KIAA0825: variants seen among roughly 807,000 people sequenced by gnomAD.
KIAA0825 encodes uncharacterized protein KIAA0825.
Under a neutral mutation model 147.6 loss-of-function variants are expected in KIAA0825, and 119 were observed. The ratio of observed to expected loss-of-function variants is 0.81; its 90% CI spans 0.69 to 0.94. The LOEUF is 0.94. KIAA0825 is among the 40% of genes least tolerant of loss of function. The pLI, the probability that KIAA0825 is intolerant of heterozygous loss-of-function variation, is 0.00. For missense variants in KIAA0825, 1,381 were observed against 1,472.7 expected, an observed-to-expected ratio of 0.94 and a Z score of 1.02; for synonymous variants, 470 against 518.1, an observed-to-expected ratio of 0.91 and a Z score of 1.26.
At chr5:94,565,815 G>T (rs1164762839) in intron 2 of KIAA0825, among the ~76,000 whole-genome samples, 1 of 152,090 alleles carries the variant, frequency 6.6e-6, no homozygotes, top group Non-Finnish European at 1.5e-5. Flanking sequence ...TATGACATAG[G>T]TATACAGTGT....
intron 13 of KIAA0825, among the ~76,000 whole-genome samples, chr5:94,447,626 T>A (rs1220144436): frequency 6.6e-6 from 1 of 152,142 alleles, no homozygotes; most frequent in Non-Finnish European, 1.5e-5. Flanking sequence ...TGGAGAACAT[T>A]TTTTGAATGC....
chr5:94,541,526 A>G (rs538820584), intron 2 of KIAA0825, among the ~76,000 whole-genome samples: 1 of 152,368 alleles, frequency 6.6e-6, no homozygotes, highest in Admixed American at 6.5e-5. Flanking sequence ...AGTTTTGTGA[A>G]AAATTAATCT....
At chr5:94,409,090 T>C (rs901783545) in intron 15 of KIAA0825, among the ~76,000 whole-genome samples, 1 of 152,194 alleles carries the variant, frequency 6.6e-6, no homozygotes, top group African/African-American at 2.4e-5. Flanking sequence ...TCCTTCACTT[T>C]TAGGGATGTT....
chr5:94,336,995 CAAG>C (rs1562390582), intron 20 of KIAA0825, among the ~76,000 whole-genome samples: 1 of 152,112 alleles, frequency 6.6e-6, no homozygotes. Context: ...TCAGCAATAA[CAAG>C]AAACTACTTA....
At chr5:94,292,094 A>T (rs1429503393) in intron 20 of KIAA0825, among the ~76,000 whole-genome samples, 7 of 152,112 alleles carry the variant, frequency 4.6e-5, no homozygotes, top group African/African-American at 1.7e-4. Flanking sequence ...TTGAATACCC[A>T]TTATTTCTTT....
At chr5:94,454,311 C>G (rs941985013) in intron 12 of KIAA0825, among the ~76,000 whole-genome samples, 3 of 152,188 alleles carry the variant, frequency 2.0e-5, no homozygotes, top group African/African-American at 7.2e-5. Flanking sequence ...ATATCCAGAA[C>G]AGATTTCCAT....
Position 94,386,389 on chromosome 5 carries a change from G to A in KIAA0825, c.3472C>T (p.Gln1158Ter), listed in dbSNP as rs1231038783. Residue 1158 changes from glutamine (Q) to a stop codon, truncating the protein, a stop_gained, in exon 19 of 21, where the codon CAG (glutamine) becomes TAG (stop). Transcript: ENST00000682413. LOFTEE classifies it high-confidence loss of function. ...TCTGAACTATTCATAGAAAACAGCT[G>A]TTCTTTTAAATATTCCTTCAAAGAA... ...MQLNEEYLKE[Q>*]LFSMNSSEEK... 1 of 1,546,146 alleles carries A rather than the reference G, an allele frequency of 6.5e-7. No individual in the cohort carries two copies. Among genetic ancestry groups the A allele is most frequent in the East Asian group, 2.4e-5 (1 of 40,858 alleles).
intron 16 of KIAA0825, among the ~76,000 whole-genome samples, chr5:94,401,539 G>A (rs1751376136): frequency 6.6e-6 from 1 of 152,066 alleles, no homozygotes; most frequent in Admixed American, 6.6e-5. Context: ...AGGACACCCT[G>A]CTCATGGCCT....
At chr5:94,303,843 G>A (rs2150182852) in intron 20 of KIAA0825, among the ~76,000 whole-genome samples, 2 of 152,104 alleles carry the variant, frequency 1.3e-5, no homozygotes, top group Middle Eastern at 6.8e-3. Flanking sequence ...GAGTTCCCAA[G>A]GTGTGCCACA....
chr5:94,448,869 A>G (rs575398637), intron 13 of KIAA0825, among the ~76,000 whole-genome samples: 1 of 152,312 alleles, frequency 6.6e-6, no homozygotes, highest in South Asian at 2.1e-4. Context: ...AATGCAAATC[A>G]ATAACTTTAG....
intron 3 of KIAA0825, among the ~76,000 whole-genome samples, chr5:94,532,242 G>C (rs1770937452): frequency 6.6e-6 from 1 of 152,020 alleles, no homozygotes; most frequent in Non-Finnish European, 1.5e-5. Flanking sequence ...CCACCTCCCA[G>C]GCTCAAGCGA....
intron 2 of KIAA0825, among the ~76,000 whole-genome samples, chr5:94,560,221 G>C (rs1439433514): frequency 3.3e-5 from 5 of 152,082 alleles, no homozygotes; most frequent in Non-Finnish European, 7.4e-5. Context: ...TTATTGGGAG[G>C]GGTAGGGGTT....
At chr5:94,424,443 A>G (rs897195961) in intron 14 of KIAA0825, among the ~76,000 whole-genome samples, 2 of 152,174 alleles carry the variant, frequency 1.3e-5, no homozygotes, top group African/African-American at 4.8e-5. Flanking sequence ...GAAAGAAATT[A>G]AAGAGAAAAT....
At chr5:94,365,854 G>C (rs1745776375) in intron 20 of KIAA0825, among the ~76,000 whole-genome samples, 1 of 152,212 alleles carries the variant, frequency 6.6e-6, no homozygotes, top group South Asian at 2.1e-4. Context: ...GCTGGAGGCT[G>C]CAAGTTTCTA....
chr5:94,484,461 A>G (rs1762820905), intron 6 of KIAA0825, among the ~76,000 whole-genome samples: 1 of 151,804 alleles, frequency 6.6e-6, no homozygotes, highest in South Asian at 2.1e-4. Context: ...TAGACCACCC[A>G]GTCTGCTTAT....
chr5:94,542,543 A>G (rs1773540993), intron 2 of KIAA0825, among the ~76,000 whole-genome samples: 1 of 152,224 alleles, frequency 6.6e-6, no homozygotes, highest in Non-Finnish European at 1.5e-5. Context: ...ACAGTGGCTC[A>G]TGCCCGTAGT....
chr5:94,432,917 C>T (rs972816000), intron 14 of KIAA0825, among the ~76,000 whole-genome samples: 1 of 152,184 alleles, frequency 6.6e-6, no homozygotes, highest in Admixed American at 6.5e-5. Context: ...CATACCCACA[C>T]ACCATACACA....
intron 15 of KIAA0825, chr5:94,416,047 A>G (rs1027499873): frequency 6.6e-6 from 1 of 152,176 alleles, no homozygotes; most frequent in African/African-American, 2.4e-5. Flanking sequence ...AATAAAGACT[A>G]CATCAGAAAC....
intron 20 of KIAA0825, among the ~76,000 whole-genome samples, chr5:94,298,573 C>G (rs1397452353): frequency 6.6e-6 from 1 of 152,176 alleles, no homozygotes; most frequent in African/African-American, 2.4e-5. Flanking sequence ...GGAATGTTTA[C>G]ACCTTATTTT....
Sources: allele counts gnomAD v4.1 joint callset (sites outside exome capture counted in the v4.1 genomes callset), GRCh38; gene constraint gnomAD v4.1.1; transcripts MANE v1.5; gene names NCBI Gene and HGNC (gene_info 2026-07-23, HGNC 2026-07-21).